MYO16: variants seen among roughly 807,000 people sequenced by gnomAD.
MYO16 encodes the protein unconventional myosin-XVI.
In MYO16, 94 loss-of-function variants were observed where a neutral mutation model predicts 205.3. The observed-to-expected ratio is 0.46, with a 90% confidence interval of 0.39 to 0.54. MYO16 has a LOEUF of 0.54. Ranked by LOEUF, MYO16 falls within the 20% of genes least tolerant of loss-of-function variation. MYO16 has a pLI of 0.00. For missense variants in MYO16, 2,315 were observed against 2,387.5 expected, an observed-to-expected ratio of 0.97 and a Z score of 0.63; for synonymous variants, 988 against 954.0, an observed-to-expected ratio of 1.04 and a Z score of -0.66.
chr13:108,523,872 A>G, the MYO16 span, among the ~76,000 whole-genome samples: 2 of 152,208 alleles, frequency 1.3e-5, no homozygotes, highest in East Asian at 1.9e-4. Flanking sequence ...TGTAATTTCC[A>G]GTATTAGAGG....
intron 1 of MYO16, among the ~76,000 whole-genome samples, chr13:108,615,688 G>T (rs985071848): frequency 2.0e-5 from 3 of 152,068 alleles, no homozygotes; most frequent in Non-Finnish European, 4.4e-5. Context: ...AGTGAAAAAA[G>T]TTAGACACAA....
chr13:109,067,886 G>A (rs1358535661), intron 27 of MYO16, among the ~76,000 whole-genome samples: 1 of 152,090 alleles, frequency 6.6e-6, no homozygotes, highest in Non-Finnish European at 1.5e-5. Flanking sequence ...ATGAAGGATT[G>A]TACATTTTCG....
intron 27 of MYO16, among the ~76,000 whole-genome samples, chr13:109,075,918 T>G (rs1888084008): frequency 6.6e-6 from 1 of 152,194 alleles, no homozygotes; most frequent in African/African-American, 2.4e-5. Context: ...TGATAGAATT[T>G]ATCAGAGAAG....
chr13:109,199,707 C>A (rs1054543375), intron 34 of MYO16, among the ~76,000 whole-genome samples: 1 of 152,152 alleles, frequency 6.6e-6, no homozygotes, highest in African/African-American at 2.4e-5. Context: ...TCCCCAGAGG[C>A]AGTTTTTCTC....
At chr13:108,827,941 A>G (rs1876372311) in intron 9 of MYO16, among the ~76,000 whole-genome samples, 2 of 152,190 alleles carry the variant, frequency 1.3e-5, no homozygotes, top group Admixed American at 1.3e-4. Flanking sequence ...GATAAAGCCC[A>G]CAGAAATTCT....
chr13:109,104,213 A>G (rs905034807), intron 28 of MYO16, among the ~76,000 whole-genome samples: 6 of 152,204 alleles, frequency 3.9e-5, no homozygotes, highest in Admixed American at 1.3e-4. Context: ...ATCTTCTAAT[A>G]TAACTATCTG....
At chr13:108,668,519 G>T (rs997206607) in intron 2 of MYO16, among the ~76,000 whole-genome samples, 1 of 152,160 alleles carries the variant, frequency 6.6e-6, no homozygotes, top group Admixed American at 6.5e-5. Context: ...ATGGGCTTCG[G>T]TGAGATGAAA....
intron 2 of MYO16, among the ~76,000 whole-genome samples, chr13:108,685,054 C>T (rs59524116): frequency 2.1e-5 from 3 of 145,608 alleles, no homozygotes; most frequent in African/African-American, 5.1e-5. Flanking sequence ...GATAGAGTCT[C>T]GGTCTGTTGC....
intron 5 of MYO16, among the ~76,000 whole-genome samples, chr13:108,792,860 C>T (rs1030224314): frequency 6.6e-6 from 1 of 151,918 alleles, no homozygotes; most frequent in Non-Finnish European, 1.5e-5. Context: ...TTAGGAGCAA[C>T]TATTTTGGCC....
intron 32 of MYO16, among the ~76,000 whole-genome samples, chr13:109,145,503 T>C (rs1877288878): frequency 6.6e-6 from 1 of 152,262 alleles, no homozygotes; most frequent in Admixed American, 6.5e-5. Flanking sequence ...ATGATGGGTA[T>C]GTATAATTCT....
At chr13:108,862,285 A>G (rs185182631) in intron 11 of MYO16, among the ~76,000 whole-genome samples, 101 of 152,314 alleles carry the variant, frequency 6.6e-4, no homozygotes, top group African/African-American at 2.3e-3. Context: ...TTTTGGTTGT[A>G]TGCAGAAGAG....
intron 1 of MYO16, among the ~76,000 whole-genome samples, chr13:108,663,444 CA>C (rs1881590693): frequency 6.6e-6 from 1 of 151,864 alleles, no homozygotes; most frequent in Admixed American, 6.6e-5. Context: ...TTTCAGATTA[CA>C]AAAGAATCAA....
rs767572919 is a variant in MYO16 at position 109,179,567 on chromosome 13, A to G, written c.5349A>G (p.Ser1783=). 6.2e-7 allele frequency: 1 copy of G among 1,613,742 alleles called. No individual in the cohort carries two copies. ...GTTTACCTGAAGAAGATGGATACTCACGGTTGTCTATAAGTGGCACAGGGA... is the reference window on the plus strand; with the variant it reads ...GTTTACCTGAAGAAGATGGATACTCGCGGTTGTCTATAAGTGGCACAGGGA... ...SNGLPEEDGY[S]RLSISGTGTS... The change falls in exon 34 of 35, where the codon TCA becomes TCG. Residue 1783 remains serine (S), a synonymous_variant. Transcript: ENST00000457511.
intron 34 of MYO16, among the ~76,000 whole-genome samples, chr13:109,190,598 A>T (rs1879869734): frequency 6.6e-6 from 1 of 152,210 alleles, no homozygotes; most frequent in African/African-American, 2.4e-5. Flanking sequence ...CCCTAACTTT[A>T]TTAGATATTT....
At position 108,805,553 on chromosome 13, in the gene MYO16, T is replaced by C. The variant is rs149835835; in HGVS notation, c.742-1126T>C. 5.4e-3 allele frequency among the ~76,000 whole-genome samples: 821 copies of C among 152,132 alleles called. 5 individuals are homozygous for C. The highest frequency in any genetic ancestry group is 0.019 in the African/African-American group (777 of 41,512). ...GCATTGATTTTACTACTTTTAAGGT[T>C]TTTTTTTCTTTCTTTTCTGATAGTT... On this transcript the variant is annotated intron_variant, in intron 6 of 34. Coordinates refer to ENST00000457511, the MANE Select transcript of MYO16 (RefSeq NM_001198950.3).
chr13:109,174,748 C>CTTTTT (rs34606084), intron 33 of MYO16, among the ~76,000 whole-genome samples: 29 of 85,608 alleles, frequency 3.4e-4, no homozygotes, highest in African/African-American at 5.9e-4. Context: ...CTTGTCTTGT[C>CTTTTT]TTTTTTTTTT....
At chr13:108,715,490 T>C (rs7336430) in intron 3 of MYO16, among the ~76,000 whole-genome samples, 150,432 of 152,316 alleles carry the variant, frequency 0.99, 74,305 homozygotes, top group Middle Eastern at 1. Context: ...CCATGAGAGA[T>C]AGGACTTGTC....
intron 4 of MYO16, among the ~76,000 whole-genome samples, chr13:108,784,961 A>G (rs1475691595): frequency 1.3e-5 from 2 of 152,192 alleles, no homozygotes; most frequent in Non-Finnish European, 2.9e-5. Context: ...TGAGAGGGGC[A>G]AGGGGTGAAA....
At chr13:108,782,656 G>A (rs1461854529) in intron 4 of MYO16, among the ~76,000 whole-genome samples, 1 of 152,092 alleles carries the variant, frequency 6.6e-6, no homozygotes, top group Admixed American at 6.5e-5. Flanking sequence ...AGGCCCAGAG[G>A]CCCAGGAGGA....
Sources: allele counts gnomAD v4.1 joint callset (sites outside exome capture counted in the v4.1 genomes callset), GRCh38; gene constraint gnomAD v4.1.1; transcripts MANE v1.5; gene names NCBI Gene and HGNC (gene_info 2026-07-23, HGNC 2026-07-21).